SLTM: variants seen among roughly 807,000 people sequenced by gnomAD.
The protein encoded by SLTM is SAFB like transcription modulator.
Under a neutral mutation model 134.6 loss-of-function variants are expected in SLTM, and 43 were observed. That is an observed-to-expected ratio of 0.32 (90% confidence interval 0.25 to 0.41). SLTM has a LOEUF of 0.41. SLTM is among the 10% of genes least tolerant of loss of function. The probability of loss-of-function intolerance (pLI) is 1.00; values close to 1 mark genes in which losing one functional copy is unlikely to be tolerated. For missense variants in SLTM, 1,055 were observed against 1,288.8 expected (o/e 0.82, Z 2.78); for synonymous variants, 424 against 432.3 (o/e 0.98, Z 0.24).
intron 2 of SLTM, among the ~76,000 whole-genome samples, chr15:58,931,821 T>C (rs536557906): frequency 1.3e-5 from 2 of 152,340 alleles, no homozygotes; most frequent in East Asian, 3.8e-4. Flanking sequence ...TAATTAATCA[T>C]GGATTTTTCC....
Position 58,883,638 on chromosome 15 carries a change from G to T in SLTM, c.2984C>A (p.Thr995Asn). 6.2e-7 allele frequency: 1 copy of T among 1,614,074 alleles called. No individual in the cohort carries two copies. Among genetic ancestry groups the T allele is most frequent in the Non-Finnish European group, 8.5e-7 (1 of 1,180,006 alleles). Residue 995 changes from threonine (T) to asparagine (N), a missense_variant, in exon 20 of 21, where the codon ACC (threonine) becomes AAC (asparagine). By Grantham distance (65) the Thr-to-Asn change is moderately conservative. This residue lies in a region of SLTM where 776 missense variants were observed against 962.2 expected (regional missense o/e 0.81). Coordinates refer to ENST00000380516, the MANE Select transcript of SLTM (RefSeq NM_024755.4). ...GDGRAGAGMITQHSSNASPIN... is the reference protein window; with the variant it reads ...GDGRAGAGMINQHSSNASPIN... ...GTTAGTTATTTACCTTGAATGTTGG[G>T]TTATCATGCCTGCTCCTGCCCGGCC...
chr15:58,929,436 G>A (rs984929973), intron 2 of SLTM, among the ~76,000 whole-genome samples: 5 of 152,008 alleles, frequency 3.3e-5, no homozygotes, highest in Admixed American at 2.0e-4. Context: ...TGACAAGAGC[G>A]AAACTCCATC....
intron 1 of SLTM, 103 bp downstream of exon 1, chr15:58,933,301 G>A: frequency 7.5e-7 from 1 of 1,327,848 alleles, no homozygotes; most frequent in Non-Finnish European, 1.0e-6. Context: ...CGTTCCGCAG[G>A]TCCCAGCGGC....
intron 14 of SLTM, among the ~76,000 whole-genome samples, chr15:58,891,636 G>C (rs2034650263): frequency 6.6e-6 from 1 of 152,124 alleles, no homozygotes; most frequent in Non-Finnish European, 1.5e-5. Context: ...ATTTGAAGCT[G>C]TCCCATTCTC....
intron 9 of SLTM, among the ~76,000 whole-genome samples, chr15:58,896,862 T>C (rs2035118636): frequency 6.6e-6 from 1 of 152,188 alleles, no homozygotes; most frequent in South Asian, 2.1e-4. Context: ...AATAAACTTA[T>C]TAGTCCTTGG....
intron 1 of SLTM, among the ~76,000 whole-genome samples, chr15:58,932,726 T>C (rs2037964644): frequency 2.0e-5 from 3 of 152,240 alleles, no homozygotes; most frequent in Admixed American, 6.5e-5. Context: ...AAATATGTTC[T>C]ATTGCAGAAA....
intron 2 of SLTM, among the ~76,000 whole-genome samples, chr15:58,918,503 A>G (rs528444547): frequency 6.6e-6 from 1 of 152,352 alleles, no homozygotes; most frequent in East Asian, 1.9e-4. Context: ...AAGATATGCT[A>G]GTCCTTCCAA....
rs756268882 is a variant in SLTM, at chr15:58,933,378, C to T, written c.162+26G>A. Reference sequence around the variant, plus strand: ...CGCGGCCTAAGTTCCCCTTCCCGGTCCTTTCCGGTCCTCGCCGGGCCTCAC... The same window carrying T: ...CGCGGCCTAAGTTCCCCTTCCCGGTTCTTTCCGGTCCTCGCCGGGCCTCAC... On this transcript the variant is annotated intron_variant, in intron 1 of 20. Transcript: ENST00000380516. The T allele has an allele frequency of 2.7e-5, 42 of 1,567,078 alleles. 2 individuals carry two copies. In the East Asian group the frequency reaches 1.1e-3, roughly 39 times the overall value.
intron 2 of SLTM, among the ~76,000 whole-genome samples, chr15:58,922,564 TAATATATATTATATACGTATAA>T (rs2037159158): frequency 3.4e-5 from 2 of 59,336 alleles, no homozygotes; most frequent in African/African-American, 1.3e-4. Context: ...AATATGTATA[TAATATATATTATATACGTATAA>T]AATATATATT....
At position 58,913,579 on chromosome 15, in the gene SLTM, CAG is replaced by C; in HGVS notation, c.431_432del (p.Ser144CysfsTer9). 1 of 1,613,382 alleles carries C rather than the reference CAG, an allele frequency of 6.2e-7. No homozygotes were observed. Among genetic ancestry groups the C allele is most frequent in the Non-Finnish European group, 8.5e-7 (1 of 1,179,770 alleles). On this transcript the variant is annotated frameshift_variant, in exon 4 of 21. Transcript: ENST00000380516. LOFTEE classifies it high-confidence loss of function. Reference sequence around the variant, plus strand: ...TCATGAGCTCTCTTGTTTTCTTCTGCAGAGAGTAACTCCTTGGAATGCACATT... The same window carrying C: ...TCATGAGCTCTCTTGTTTTCTTCTGCAGAGTAACTCCTTGGAATGCACATT... Reference protein sequence around the residue: ...EENVHSKELLSAEENKRAHEL... With the variant: ...EENVHSKELLXAEENKRAHEL...
At chr15:58,883,263 C>G (rs2140929457) in intron 20 of SLTM, among the ~76,000 whole-genome samples, 1 of 152,222 alleles carries the variant, frequency 6.6e-6, no homozygotes, top group African/African-American at 2.4e-5. Context: ...TGCAGTGAGC[C>G]AAGACCTCGC....
chr15:58,902,924 CAG>C (rs1383810409), intron 5 of SLTM, among the ~76,000 whole-genome samples: 364 of 151,830 alleles, frequency 2.4e-3, no homozygotes, highest in African/African-American at 8.4e-3. Flanking sequence ...TTTTTTGAGA[CAG>C]AGTCTCCCTC....
rs1567093664 is a variant in SLTM at position 58,880,125 on chromosome 15, G to A, written c.2997-18C>T. ...ATGCGTTACTGAAAAAGGTTTAAAAGAAAAAAACATCAGAGAACAAAGAAC... is the reference window on the plus strand; with the variant it reads ...ATGCGTTACTGAAAAAGGTTTAAAAAAAAAAAACATCAGAGAACAAAGAAC... On this transcript the variant is annotated intron_variant, in intron 20 of 20. Coordinates refer to ENST00000380516, the MANE Select transcript of SLTM (RefSeq NM_024755.4). The A allele has an allele frequency of 2.5e-6, 4 of 1,605,530 alleles. No individual in the cohort carries two copies. The highest frequency in any genetic ancestry group is 1.7e-5 in the Admixed American group (1 of 58,138).
chr15:58,887,903 C>G (rs1214318852), intron 17 of SLTM, among the ~76,000 whole-genome samples: 1 of 152,124 alleles, frequency 6.6e-6, no homozygotes, highest in South Asian at 2.1e-4. Flanking sequence ...GTAATCTCAG[C>G]ACTTTGGAAG....
chr15:58,917,324 G>A (rs1303094627), intron 2 of SLTM, among the ~76,000 whole-genome samples: 1 of 152,146 alleles, frequency 6.6e-6, no homozygotes, highest in Non-Finnish European at 1.5e-5. Context: ...CCTTTCAATG[G>A]CATTCTACTA....
In SLTM at chr15:58,887,489, T is replaced by A. The variant is rs1384544794; in HGVS notation, c.2427A>T (p.Ala809=). Residue 809 remains alanine (A), a synonymous_variant, in exon 18 of 21, where the codon GCA becomes GCT. Transcript: ENST00000380516. ...TTTCGAAGCTTGGATCTTCCCTTCG[T>A]GCAGTAGGTCGTGCTTTTTTCCCCT... ...QSEGKKARPT[A]RREDPSFERY... The A allele has an allele frequency of 6.2e-7, 1 of 1,613,872 alleles. No individual in the cohort carries two copies. Among genetic ancestry groups the A allele is most frequent in the East Asian group, 2.2e-5 (1 of 44,882 alleles).
intron 5 of SLTM, among the ~76,000 whole-genome samples, chr15:58,902,053 G>A (rs2035521245): frequency 1.3e-5 from 2 of 152,078 alleles, no homozygotes; most frequent in Non-Finnish European, 2.9e-5. Flanking sequence ...TTAAAATTAA[G>A]AATGTGCTAG....
At chr15:58,885,786 AAAAC>A (rs1473752258) in intron 19 of SLTM, among the ~76,000 whole-genome samples, 19 of 151,722 alleles carry the variant, frequency 1.3e-4, no homozygotes, top group African/African-American at 3.4e-4. Flanking sequence ...TCCATCTCAA[AAAAC>A]AAACAAACAA....
chr15:58,918,768 A>G lies in SLTM; in HGVS notation c.251-1769T>C, dbSNP rs577586437. ...CATCATTCTCTTTATCACTAAACTT[A>G]ATTTGTACATGAGAATTTCACATAA... On this transcript the variant is annotated intron_variant, in intron 2 of 20. Transcript: ENST00000380516. 7.2e-5 allele frequency among the ~76,000 whole-genome samples: 11 copies of G among 152,322 alleles called. No individual in the cohort carries two copies. The South Asian group carries it at 2.3e-3, about 32-fold the overall frequency.
Sources: gnomAD v4.1 joint callset for allele counts (sites outside exome capture counted in the v4.1 genomes callset) on GRCh38, gnomAD v4.1.1 for gene constraint, gnomAD v4.1.1 regional missense constraint, MANE v1.5 for transcripts, NCBI Gene and HGNC (gene_info 2026-07-23, HGNC 2026-07-21) for gene names.